SLC35A5: variants seen among roughly 807,000 people sequenced by gnomAD.
The protein encoded by SLC35A5 is solute carrier family 35 member A5, also known as UDP-sugar transporter protein SLC35A5.
A neutral mutation model predicts 36.3 loss-of-function variants in SLC35A5; 28 were observed. That is an observed-to-expected ratio of 0.77 (90% confidence interval 0.57 to 1.06). SLC35A5 has a LOEUF of 1.06. Among genes scored for constraint, SLC35A5 ranks in the 50% least tolerant of loss-of-function variants. The pLI is 0.00. For missense variants in SLC35A5, 521 were observed against 499.3 expected, an observed-to-expected ratio of 1.04 and a Z score of -0.41; for synonymous variants, 180 against 173.7, an observed-to-expected ratio of 1.04 and a Z score of -0.29.
At chr3:112,574,733 T>C (rs1934595961) in intron 5 of SLC35A5, among the ~76,000 whole-genome samples, 1 of 152,104 alleles carries the variant, frequency 6.6e-6, no homozygotes, top group Non-Finnish European at 1.5e-5. Flanking sequence ...TGATAGTATG[T>C]TCTTTCATAA....
intron 2 of SLC35A5, among the ~76,000 whole-genome samples, chr3:112,567,538 C>A (rs1490656933): frequency 6.6e-6 from 1 of 152,162 alleles, no homozygotes; most frequent in Non-Finnish European, 1.5e-5. Flanking sequence ...CTCCTGACCT[C>A]AAGTGATCCA....
At chr3:112,574,829 A>G (rs980353405) in intron 5 of SLC35A5, among the ~76,000 whole-genome samples, 1 of 152,216 alleles carries the variant, frequency 6.6e-6, no homozygotes, top group South Asian at 2.1e-4. Flanking sequence ...ATTATATAAG[A>G]TTCCTGATGT....
Position 112,580,847 on chromosome 3 carries a change from TC to T in SLC35A5, c.731del (p.Ser244Ter). 1 of 1,614,150 alleles carries T rather than the reference TC, an allele frequency of 6.2e-7. No homozygotes were observed. Among genetic ancestry groups the T allele is most frequent in the Middle Eastern group, 1.6e-4 (1 of 6,062 alleles). On this transcript the variant is annotated frameshift_variant, in exon 6 of 7. Transcript: ENST00000492406. LOFTEE classifies it high-confidence loss of function. Reference sequence around the variant, plus strand: ...TATTATAGTCCAGTGTTTTATTTCTTCAATGGCTAATATCTATAATGAAAAG... The same window carrying T: ...TATTATAGTCCAGTGTTTTATTTCTTAATGGCTAATATCTATAATGAAAAG... ...VLIIVQCFISSMANIYNEKIL... is the reference protein window; with the variant it reads ...VLIIVQCFISXMANIYNEKIL...
chr3:112,579,336 A>G (rs548774547), intron 5 of SLC35A5, among the ~76,000 whole-genome samples: 7 of 152,060 alleles, frequency 4.6e-5, no homozygotes, highest in East Asian at 1.9e-4. Context: ...AAATGCTCCA[A>G]TGATATAAAA....
chr3:112,572,062 C>T (rs1276088240), intron 4 of SLC35A5, among the ~76,000 whole-genome samples: 6 of 150,252 alleles, frequency 4.0e-5, no homozygotes, highest in Admixed American at 6.6e-5. Flanking sequence ...CCTGCCTCAG[C>T]CTCCCGAGTA....
At chr3:112,562,708 GA>G (rs1426312682) in intron 1 of SLC35A5, among the ~76,000 whole-genome samples, 1 of 152,168 alleles carries the variant, frequency 6.6e-6, no homozygotes, top group Non-Finnish European at 1.5e-5. Context: ...TCCTCCGAGG[GA>G]AAAGAGGAGG....
chr3:112,580,458 C>T, intron 5 of SLC35A5, 88 bp from the exon 6 acceptor site: 1 of 1,418,540 alleles, frequency 7.0e-7, no homozygotes, highest in African/African-American at 1.4e-5. Flanking sequence ...GTTTATTCAA[C>T]CAAATACTCA....
At position 112,582,670 on chromosome 3, in the gene SLC35A5, G is replaced by A. The variant is rs144182920; in HGVS notation, c.1210-1G>A. 3.3e-5 allele frequency: 53 copies of A among 1,610,624 alleles called. No individual in the cohort carries two copies. Among genetic ancestry groups the A allele is most frequent in the Non-Finnish European group, 3.9e-5 (46 of 1,177,724 alleles). On this transcript the variant is annotated splice_acceptor_variant, in intron 6 of 6. Coordinates refer to ENST00000492406, the MANE Select transcript of SLC35A5 (RefSeq NM_017945.5). LOFTEE classifies it high-confidence loss of function. ...ATTACTGCTTTCATGTTTCCTTTTA[G>A]GATGGAGAAGAACTAGAAAGACTTA...
chr3:112,561,674 C>A, upstream of SLC35A5: 1 of 722,252 alleles, frequency 1.4e-6, no homozygotes, highest in South Asian at 1.8e-5. Flanking sequence ...CGCGACGCGA[C>A]GGGACGGGCG....
At chr3:112,566,950 G>A (rs970677756) in intron 2 of SLC35A5, among the ~76,000 whole-genome samples, 15 of 152,302 alleles carry the variant, frequency 9.8e-5, no homozygotes, top group African/African-American at 3.6e-4. Flanking sequence ...AGATACACTG[G>A]GTGTGGTGGC....
rs1935011113 is a variant in SLC35A5, at chr3:112,583,191, T to A, written c.*455T>A. ...TTGAATTTTGAGGCCCTAGAGATAG[T>A]CATTTTGCAAGTAAAGAGCAACGGG... On this transcript the variant is annotated 3_prime_UTR_variant, in exon 7 of 7. Coordinates refer to ENST00000492406, the MANE Select transcript of SLC35A5 (RefSeq NM_017945.5). 7 of 398,000 alleles carry A rather than the reference T, an allele frequency of 1.8e-5. No homozygotes were observed. In the South Asian group the frequency reaches 8.9e-4, roughly 50 times the overall value. 24.7% of individuals were successfully genotyped at this position (398,000 alleles called of 1,614,324 possible). A position where few individuals can be genotyped will look rare whatever the true frequency, so the allele number is the denominator to read the frequency against.
At chr3:112,565,332 A>G (rs548392643) in intron 2 of SLC35A5, among the ~76,000 whole-genome samples, 1 of 152,340 alleles carries the variant, frequency 6.6e-6, no homozygotes, top group South Asian at 2.1e-4. Flanking sequence ...GGATCAGAGA[A>G]CACTTCGCTG....
Position 112,576,355 on chromosome 3 carries a change from G to C in SLC35A5, c.428+2399G>C, listed in dbSNP as rs1341712187. 2.1e-5 allele frequency among the ~76,000 whole-genome samples: 3 copies of C among 144,410 alleles called. No homozygotes were observed. The East Asian group carries it at 6.2e-4, about 30-fold the overall frequency. The allele number at this position is 144,410 out of a possible 152,430, so 94.7% of individuals were successfully genotyped here. A position where few individuals can be genotyped will look rare whatever the true frequency, so the allele number is the denominator to read the frequency against. On this transcript the variant is annotated intron_variant, in intron 5 of 6. Transcript: ENST00000492406. ...TTGGCCAAGATGGTGTTGATCTCCTGACCTTGTGATCCACCTGCCTTGGCC... is the reference window on the plus strand; with the variant it reads ...TTGGCCAAGATGGTGTTGATCTCCTCACCTTGTGATCCACCTGCCTTGGCC...
In SLC35A5 at chr3:112,580,987, T is replaced by C; in HGVS notation, c.870T>C (p.Arg290=). ...CTCTGGGCCTTCAGAGGAGTAACCG[T>C]GATCAGATTAAGAACTGTGGATTTT... ...GLTLGLQRSN[R]DQIKNCGFFY... is the part of the protein sequence containing the mutation. Residue 290 remains arginine, a synonymous_variant, in exon 6 of 7, where the codon CGT becomes CGC. Coordinates refer to ENST00000492406, the MANE Select transcript of SLC35A5 (RefSeq NM_017945.5). The C allele has an allele frequency of 6.2e-7, 1 of 1,614,116 alleles. No individual in the cohort carries two copies. The highest frequency in any genetic ancestry group is 8.5e-7 in the Non-Finnish European group (1 of 1,179,980).
chr3:112,564,558 C>T (rs926059254), intron 2 of SLC35A5, among the ~76,000 whole-genome samples: 1 of 152,094 alleles, frequency 6.6e-6, no homozygotes. Flanking sequence ...AGACAGATGC[C>T]TTCCTCTTGT....
chr3:112,561,715 C>T (rs1933895771), upstream of SLC35A5: 4 of 605,870 alleles, frequency 6.6e-6, no homozygotes, highest in East Asian at 3.2e-5. Context: ...AGGCACAGCG[C>T]GCGAAGACGG....
chr3:112,562,533 C>T (rs1933968751), intron 1 of SLC35A5, among the ~76,000 whole-genome samples: 1 of 152,182 alleles, frequency 6.6e-6, no homozygotes, highest in Non-Finnish European at 1.5e-5. Context: ...CTTACCCAAC[C>T]TGGGGTTTAG....
rs1935013344 is a variant in SLC35A5 at position 112,583,239 on chromosome 3, G to T, written c.*503G>T. The T allele has an allele frequency of 2.5e-6, 1 of 396,958 alleles. No individual in the cohort carries two copies. The highest frequency in any genetic ancestry group is 4.4e-6 in the Non-Finnish European group (1 of 225,158). The allele number at this position is 396,958 out of a possible 1,614,324, so 24.6% of individuals were successfully genotyped here. On this transcript the variant is annotated 3_prime_UTR_variant, in exon 7 of 7. Transcript: ENST00000492406. Reference sequence around the variant, plus strand: ...GGGACCCTTTCTAAAAACGTTGGTTGAAGGACCTAAATACCTGGCCATACC... The same window carrying T: ...GGGACCCTTTCTAAAAACGTTGGTTTAAGGACCTAAATACCTGGCCATACC...
At chr3:112,561,558 G>T, upstream of SLC35A5, 1 of 1,601,844 alleles carries the variant, frequency 6.2e-7, no homozygotes, top group South Asian at 1.1e-5. Context: ...CCGGCCCCGC[G>T]ACGGGATGGA....
Sources: gnomAD v4.1 joint callset for allele counts (sites outside exome capture counted in the v4.1 genomes callset) on GRCh38, gnomAD v4.1.1 for gene constraint, MANE v1.5 for transcripts, NCBI Gene and HGNC (gene_info 2026-07-23, HGNC 2026-07-21) for gene names.